The following KRI1 variants were observed in gnomAD, a reference collection of about 807,000 sequenced individuals.
KRI1 encodes protein KRI1 homolog.
KRI1 carries 83 observed loss-of-function variants against 97.0 expected under a neutral mutation model. That is an observed-to-expected ratio of 0.86 (90% confidence interval 0.72 to 1.03). KRI1 has a LOEUF of 1.03. Ranked by LOEUF, KRI1 falls within the 50% of genes least tolerant of loss-of-function variation. KRI1 has a pLI of 0.00. For missense variants in KRI1, 916 were observed against 928.4 expected (o/e 0.99, Z 0.17); for synonymous variants, 371 against 363.5 (o/e 1.02, Z -0.23).
Position 10,558,159 on chromosome 19 carries a change from C to T in KRI1, c.1270+5G>A. 1 of 1,614,134 alleles carries T rather than the reference C, an allele frequency of 6.2e-7. No homozygotes were observed. Among genetic ancestry groups the T allele is most frequent in the Non-Finnish European group, 8.5e-7 (1 of 1,179,980 alleles). On this transcript the variant is annotated splice_donor_5th_base_variant and intron_variant, in intron 13 of 18. Transcript: ENST00000312962. ...TCCCCAGCCCAGTGCCCCAGCTGAT[C>T]TCACCTTCAAGCCCTTCTTCTTCCT...
intron 2 of KRI1, 49 bp downstream of exon 2, chr19:10,565,668 G>A (rs1280133261): frequency 3.3e-6 from 5 of 1,526,308 alleles, no homozygotes; most frequent in Non-Finnish European, 3.5e-6. Flanking sequence ...GGGGTGCAGA[G>A]GGGGGCTTGG....
At chr19:10,562,210 T>C (rs540770355) in intron 4 of KRI1, among the ~76,000 whole-genome samples, 15 of 150,636 alleles carry the variant, frequency 1.0e-4, no homozygotes, top group Admixed American at 7.3e-4. Context: ...CCACCACATC[T>C]GGCTAATTTT....
Position 10,559,710 on chromosome 19 carries a change from T to A in KRI1, c.928-2A>T, listed in dbSNP as rs1207051773. ...GATGCTGCGTGGGTAGGTCTTGACCTAGGCGCAATCAGAAAAGCCCACAAG... is the reference window on the plus strand; with the variant it reads ...GATGCTGCGTGGGTAGGTCTTGACCAAGGCGCAATCAGAAAAGCCCACAAG... On this transcript the variant is annotated splice_acceptor_variant, in intron 10 of 18. Coordinates refer to ENST00000312962, the MANE Select transcript of KRI1 (RefSeq NM_023008.5). LOFTEE classifies it high-confidence loss of function. 6.2e-7 allele frequency: 1 copy of A among 1,614,018 alleles called. No homozygotes were observed. The highest frequency in any genetic ancestry group is 2.2e-5 in the East Asian group (1 of 44,836).
rs1490944132 is a variant in KRI1 at position 10,553,819 on chromosome 19, A to G, written c.*132T>C. On this transcript the variant is annotated 3_prime_UTR_variant, in exon 19 of 19. Coordinates refer to ENST00000312962, the MANE Select transcript of KRI1 (RefSeq NM_023008.5). Reference sequence around the variant, plus strand: ...TGATCCTTTCACCTCGGCCTCCCAAAGTGCTGGGATTACAGGCGTGCCTGG... The same window carrying G: ...TGATCCTTTCACCTCGGCCTCCCAAGGTGCTGGGATTACAGGCGTGCCTGG... The G allele has an allele frequency of 3.7e-6, 3 of 806,454 alleles. No individual in the cohort carries two copies. Among genetic ancestry groups the G allele is most frequent in the Non-Finnish European group, 5.6e-6 (3 of 540,286 alleles). 50.0% of individuals were successfully genotyped at this position (806,454 alleles called of 1,614,324 possible). A position where few individuals can be genotyped will look rare whatever the true frequency, so the allele number is the denominator to read the frequency against.
rs1410021661 is a variant in KRI1, at chr19:10,559,295, G to A, written c.1194+64C>T. 4.6e-5 allele frequency: 72 copies of A among 1,558,846 alleles called. No homozygotes were observed. In the South Asian group the frequency reaches 7.0e-4, roughly 15 times the overall value. ...GCTGGGATTACAGGCGTGAGCCACC[G>A]TGGCCAGTGAGAGCCATGTTTGTGT... is the stretch of plus-strand genomic sequence containing the variant. On this transcript the variant is annotated intron_variant, in intron 12 of 18. Transcript: ENST00000312962.
Position 10,559,405 on chromosome 19 carries a change from T to C in KRI1, c.1148A>G (p.Asp383Gly), listed in dbSNP as rs1916619172. The part of the protein sequence containing the change: ...GNEMLGLEEG[D>G]LEDDFDPAQH... ...GGCAGGGTCGAAGTCGTCTTCAAGG[T>C]CCCCCTCCTCGAGGCCCAGCATCTC... Residue 383 changes from aspartate (D) to glycine (G), a missense_variant, in exon 12 of 19, where the codon GAC becomes GGC. By Grantham distance (94) the Asp-to-Gly change is moderately conservative (BLOSUM62 -1). Around this residue, in one of 3 missense-constraint regions of KRI1, gnomAD observed 672 missense variants for 667.2 expected, o/e 1.01. Coordinates refer to ENST00000312962, the MANE Select transcript of KRI1 (RefSeq NM_023008.5). The C allele has an allele frequency of 6.2e-7, 1 of 1,613,670 alleles. No individual in the cohort carries two copies. The highest frequency in any genetic ancestry group is 8.5e-7 in the Non-Finnish European group (1 of 1,179,950).
chr19:10,553,878 C>T lies in KRI1; in HGVS notation c.*73G>A. On this transcript the variant is annotated 3_prime_UTR_variant, in exon 19 of 19. Transcript: ENST00000312962. ...GAGAGGATCTCTGCAGCAGATAGTA[C>T]TTGTGGGTGCGAGACCTGTCCAGGG... is the stretch of plus-strand genomic sequence containing the variant. 1 of 1,243,572 alleles carries T rather than the reference C, an allele frequency of 8.0e-7. No homozygotes were observed. The highest frequency in any genetic ancestry group is 2.8e-5 in the Admixed American group (1 of 35,788). 77.0% of individuals were successfully genotyped at this position (1,243,572 alleles called of 1,614,324 possible).
At position 10,565,767 on chromosome 19, in the gene KRI1, C is replaced by A. The variant is rs748164676; in HGVS notation, c.118G>T (p.Asp40Tyr). 1 of 1,579,736 alleles carries A rather than the reference C, an allele frequency of 6.3e-7. No individual in the cohort carries two copies. The highest frequency in any genetic ancestry group is 1.1e-5 in the South Asian group (1 of 87,108). ...TCGGAGCTGGAGTCGCTGCTGCTGT[C>A]TCGGTCCCCGTAGCGATCCTTCACT... is the stretch of plus-strand genomic sequence containing the variant. ...QRLKDRYGDRDSSSDSSSESD... is the reference protein window; with the variant it reads ...QRLKDRYGDRYSSSDSSSESD... Residue 40 changes from aspartate (D) to tyrosine (Y), a missense_variant, in exon 2 of 19, where the codon GAC becomes TAC. Physicochemically the swap from Asp to Tyr is radical, Grantham distance 160. Around this residue, in one of 3 missense-constraint regions of KRI1, gnomAD observed 173 missense variants for 153.1 expected, o/e 1.13. Coordinates refer to ENST00000312962, the MANE Select transcript of KRI1 (RefSeq NM_023008.5).
intron 11 of KRI1, 22 bp from the exon 12 acceptor site, chr19:10,559,551 G>A (rs1916625274): frequency 6.2e-7 from 1 of 1,613,704 alleles, no homozygotes. Context: ...GGCAGAGAGG[G>A]GGAGGGCATG....
Position 10,553,192 on chromosome 19 carries a change from G to C in KRI1, c.*759C>G, listed in dbSNP as rs1795557046. 4.1e-6 allele frequency: 5 copies of C among 1,228,420 alleles called. No homozygotes were observed. The African/African-American group carries it at 6.1e-5, about 15-fold the overall frequency. 76.1% of individuals were successfully genotyped at this position (1,228,420 alleles called of 1,614,324 possible). On this transcript the variant is annotated 3_prime_UTR_variant, in exon 19 of 19. Transcript: ENST00000312962. ...TGTTGTCAGCCCCTCAAGCCCAGCT[G>C]CAACCAGTCTGGGGCCATTCAGCCA...
chr19:10,555,378 C>T (rs759355857), intron 16 of KRI1, 29 bp from the exon 17 acceptor site: 3 of 1,612,966 alleles, frequency 1.9e-6, no homozygotes, highest in Non-Finnish European at 2.5e-6. Flanking sequence ...TGGGGACCTG[C>T]TGTGATATTG....
chr19:10,560,070 GTCC>G, intron 9 of KRI1, 134 bp from the exon 10 acceptor site: 5 of 1,264,846 alleles, frequency 4.0e-6, no homozygotes, highest in East Asian at 2.5e-5. Context: ...CGCTGCTATT[GTCC>G]TCATTTTACA....
Position 10,553,987 on chromosome 19 carries a change from C to A in KRI1, c.2076G>T (p.Gln692His). The stretch of plus-strand genomic sequence containing the variant: ...TCTTGGGCCCCTGTTGTTTCCTCCG[C>A]TGCCGGCCCAGCTGGCGGAAGTGCA... ...KRLHFRQLGRQRRKQQGPKNS... is the reference protein window; with the variant it reads ...KRLHFRQLGRHRRKQQGPKNS... Residue 692 changes from glutamine (Q) to histidine (H), a missense_variant, in exon 19 of 19, where the codon CAG becomes CAT. This residue lies in a region of KRI1 where 672 missense variants were observed against 667.2 expected (regional missense o/e 1.01). Coordinates refer to ENST00000312962, the MANE Select transcript of KRI1 (RefSeq NM_023008.5). 2 of 1,611,800 alleles carry A rather than the reference C, an allele frequency of 1.2e-6. No individual in the cohort carries two copies. Among genetic ancestry groups the A allele is most frequent in the Non-Finnish European group, 1.7e-6 (2 of 1,178,752 alleles).
rs1170673454 is a variant in KRI1 at position 10,565,642 on chromosome 19, C to A, written c.168+75G>T. The A allele has an allele frequency of 9.4e-6, 14 of 1,483,798 alleles. No homozygotes were observed. The East Asian group carries it at 2.3e-4, about 25-fold the overall frequency. 91.9% of individuals were successfully genotyped at this position (1,483,798 alleles called of 1,614,324 possible). On this transcript the variant is annotated intron_variant, in intron 2 of 18. Transcript: ENST00000312962. ...CGCTCTGGGGTTGGGGGTTCCCCCCCGTCTACATCGGGGTCGGGGTGCAGA... is the reference window on the plus strand; with the variant it reads ...CGCTCTGGGGTTGGGGGTTCCCCCCAGTCTACATCGGGGTCGGGGTGCAGA...
Position 10,565,716 on chromosome 19 carries a change from C to A in KRI1, c.168+1G>T, listed in dbSNP as rs1030249899. 1 of 1,565,214 alleles carries A rather than the reference C, an allele frequency of 6.4e-7. No homozygotes were observed. Among genetic ancestry groups the A allele is most frequent in the Non-Finnish European group, 8.6e-7 (1 of 1,156,144 alleles). On this transcript the variant is annotated splice_donor_variant, in intron 2 of 18. Transcript: ENST00000312962. LOFTEE classifies it high-confidence loss of function. ...GTCCAGGACGGGGCGGGGACGCGCACCACGCGCTCGTCGCTTGAGTCCGAC... is the reference window on the plus strand; with the variant it reads ...GTCCAGGACGGGGCGGGGACGCGCAACACGCGCTCGTCGCTTGAGTCCGAC...
intron 16 of KRI1, among the ~76,000 whole-genome samples, chr19:10,555,758 C>T (rs1916484403): frequency 6.6e-6 from 1 of 152,180 alleles, no homozygotes; most frequent in South Asian, 2.1e-4. Flanking sequence ...GGAAGGCCAT[C>T]AGAAAGAGGA....
chr19:10,561,888 C>A (rs1437632476), intron 4 of KRI1, 43 bp from the exon 5 acceptor site: 4 of 1,577,730 alleles, frequency 2.5e-6, no homozygotes, highest in East Asian at 4.5e-5. Context: ...TCTTCCAGGG[C>A]CCGCCTGTCC....
rs1366520461 is a variant in KRI1 at position 10,561,786 on chromosome 19, C to T, written c.438+5G>A. The T allele has an allele frequency of 1.9e-6, 3 of 1,613,850 alleles. No homozygotes were observed. The Admixed American group carries it at 5.0e-5, about 27-fold the overall frequency. The stretch of plus-strand genomic sequence containing the variant: ...GCCCCCCGACCCAGCCTTCACCCCA[C>T]CCACCTGGAGTCTGTGATTGGAAGT... On this transcript the variant is annotated splice_donor_5th_base_variant and intron_variant, in intron 5 of 18. Coordinates refer to ENST00000312962, the MANE Select transcript of KRI1 (RefSeq NM_023008.5).
In KRI1 at chr19:10,553,575, AT is replaced by A. The variant is rs147653121; in HGVS notation, c.*375del. 2.0e-3 allele frequency: 295 copies of A among 147,114 alleles called. No individual in the cohort carries two copies. The highest frequency in any genetic ancestry group is 0.01 in the Middle Eastern group (3 of 298). The allele number at this position is 147,114 out of a possible 1,614,324, so 9.1% of individuals were successfully genotyped here. A position where few individuals can be genotyped will look rare whatever the true frequency, so the allele number is the denominator to read the frequency against. The stretch of plus-strand genomic sequence containing the variant: ...TACCCACAGCTACACGTGTTTTTTA[AT>A]TTTTTTTTTTTTTTCAAGAGACAGG... On this transcript the variant is annotated 3_prime_UTR_variant, in exon 19 of 19. Coordinates refer to ENST00000312962, the MANE Select transcript of KRI1 (RefSeq NM_023008.5).
Sources: gnomAD v4.1 joint callset for allele counts (sites outside exome capture counted in the v4.1 genomes callset) on GRCh38, gnomAD v4.1.1 for gene constraint, gnomAD v4.1.1 regional missense constraint, MANE v1.5 for transcripts, NCBI Gene and HGNC (gene_info 2026-07-23, HGNC 2026-07-21) for gene names.